The following MAML2 variants were observed in gnomAD, a reference collection of about 807,000 sequenced individuals.
MAML2 encodes mastermind like transcriptional coactivator 2.
In MAML2, 22 loss-of-function variants were observed where a neutral mutation model predicts 96.1. The observed-to-expected ratio is 0.23, with a 90% confidence interval of 0.16 to 0.33. The LOEUF is 0.33. Among genes scored for constraint, MAML2 ranks in the 10% least tolerant of loss-of-function variants. The pLI, the probability that MAML2 is intolerant of heterozygous loss-of-function variation, is 1.00. For missense variants in MAML2, 1,367 were observed against 1,392.4 expected (o/e 0.98, Z 0.29); for synonymous variants, 561 against 521.3 (o/e 1.08, Z -1.04).
intron 1 of MAML2, among the ~76,000 whole-genome samples, chr11:96,104,678 G>C (rs569797868): frequency 6.6e-6 from 1 of 152,256 alleles, no homozygotes; most frequent in East Asian, 1.9e-4. Flanking sequence ...GATATGGAAG[G>C]CTGCCTATAT....
At chr11:96,004,446 A>AC (rs1858145211) in intron 2 of MAML2, among the ~76,000 whole-genome samples, 2 of 118,646 alleles carry the variant, frequency 1.7e-5, no homozygotes, top group African/African-American at 5.7e-5. Flanking sequence ...TCCTTTGGGA[A>AC]TAAAAAAAAC....
intron 1 of MAML2, among the ~76,000 whole-genome samples, chr11:96,190,972 CTCT>C (rs1387115241): frequency 6.6e-6 from 1 of 152,178 alleles, no homozygotes; most frequent in Non-Finnish European, 1.5e-5. Flanking sequence ...TTTCTCTAAT[CTCT>C]TCTTGTCACA....
intron 1 of MAML2, among the ~76,000 whole-genome samples, chr11:96,243,250 G>C (rs1862461152): frequency 6.6e-6 from 1 of 152,140 alleles, no homozygotes; most frequent in South Asian, 2.1e-4. Flanking sequence ...GACAAAAGAA[G>C]ACATTTTAAA....
chr11:96,112,159 A>C (rs536318499), intron 1 of MAML2, among the ~76,000 whole-genome samples: 1 of 152,252 alleles, frequency 6.6e-6, no homozygotes, highest in African/African-American at 2.4e-5. Context: ...GGATGCTTCC[A>C]TCGGATAGGG....
chr11:96,022,547 G>A (rs1047732188), intron 2 of MAML2, among the ~76,000 whole-genome samples: 1 of 152,174 alleles, frequency 6.6e-6, no homozygotes, highest in Admixed American at 6.6e-5. Flanking sequence ...ATGTGACAGT[G>A]GTTGGATTTA....
chr11:96,155,194 A>G, intron 1 of MAML2, among the ~76,000 whole-genome samples: 1 of 152,054 alleles, frequency 6.6e-6, no homozygotes, highest in Non-Finnish European at 1.5e-5. Context: ...ATTCATTTGG[A>G]ATTCAGGTGG....
intron 1 of MAML2, among the ~76,000 whole-genome samples, chr11:96,318,840 TTA>T (rs1180708157): frequency 1.3e-5 from 2 of 152,212 alleles, no homozygotes; most frequent in African/African-American, 2.4e-5. Flanking sequence ...ATAACCTTCC[TTA>T]ATTAACAACA....
intron 1 of MAML2, among the ~76,000 whole-genome samples, chr11:96,197,685 T>C (rs1197875722): frequency 1.3e-5 from 2 of 152,196 alleles, no homozygotes; most frequent in Non-Finnish European, 2.9e-5. Flanking sequence ...TGTGTGAGGA[T>C]ACCAGACCCT....
intron 1 of MAML2, among the ~76,000 whole-genome samples, chr11:96,276,816 C>CAAAAA (rs67291067): frequency 2.5e-5 from 2 of 78,650 alleles, no homozygotes; most frequent in Non-Finnish European, 5.0e-5. Context: ...TTCTCAGACC[C>CAAAAA]AAAAAAAAAA....
At chr11:96,022,903 T>C (rs1858457686) in intron 2 of MAML2, among the ~76,000 whole-genome samples, 1 of 152,182 alleles carries the variant, frequency 6.6e-6, no homozygotes, top group Admixed American at 6.5e-5. Context: ...CCAGTAGACA[T>C]GACGCTTAAC....
At chr11:96,095,548 C>T (rs1451163058) in intron 1 of MAML2, among the ~76,000 whole-genome samples, 1 of 152,148 alleles carries the variant, frequency 6.6e-6, no homozygotes, top group East Asian at 1.9e-4. Context: ...GCTGTATCTA[C>T]AGAACTTGTG....
intron 1 of MAML2, among the ~76,000 whole-genome samples, chr11:96,288,695 T>C (rs1397307297): frequency 2.6e-5 from 4 of 152,246 alleles, no homozygotes; most frequent in Admixed American, 2.0e-4. Flanking sequence ...AATGTGAATT[T>C]AAATTAAGGT....
chr11:96,041,079 G>C (rs573109227), intron 2 of MAML2, among the ~76,000 whole-genome samples: 1 of 152,068 alleles, frequency 6.6e-6, no homozygotes. Context: ...ATGGGCACTT[G>C]GGTATTTTCT....
At chr11:96,252,683 C>T (rs970978316) in intron 1 of MAML2, among the ~76,000 whole-genome samples, 1 of 152,142 alleles carries the variant, frequency 6.6e-6, no homozygotes, top group Admixed American at 6.5e-5. Context: ...CAGACACTAA[C>T]ATCACTGCTA....
intron 1 of MAML2, among the ~76,000 whole-genome samples, chr11:96,107,403 GATA>G (rs1391708357): frequency 6.6e-6 from 1 of 152,112 alleles, no homozygotes; most frequent in East Asian, 1.9e-4. Flanking sequence ...TCTCAAATAA[GATA>G]ATGTCTATAA....
chr11:96,223,704 G>C (rs1862173180), intron 1 of MAML2, among the ~76,000 whole-genome samples: 1 of 151,280 alleles, frequency 6.6e-6, no homozygotes, highest in African/African-American at 2.4e-5. Context: ...TATTTTTTTC[G>C]GATCCTCTCT....
Position 96,092,075 on chromosome 11 carries a change from T to TTGCTGCTGCTGCTGCTGTTGTTGCTGC in MAML2, c.1929_1955dup (p.Gln657_Gln665dup). ...GCTGCTGCTGTTGTTGCTGTTGTTGTTGCTGCTGCTGCTGCTGTTGTTGCT... is the reference window on the plus strand; with the variant it reads ...GCTGCTGCTGTTGTTGCTGTTGTTGTTGCTGCTGCTGCTGCTGTTGTTGCTGCTGCTGCTGCTGCTGCTGTTGTTGCT... On this transcript the variant is annotated inframe_insertion, in exon 2 of 5. Coordinates refer to ENST00000524717, the MANE Select transcript of MAML2 (RefSeq NM_032427.4). This position sits in a 1 kb window ranked among gnomAD's most constrained non-coding sequence, Gnocchi z 4.1. The TTGCTGCTGCTGCTGCTGTTGTTGCTGC allele has an allele frequency of 1.3e-6, 2 of 1,548,004 alleles. No homozygotes were observed. The highest frequency in any genetic ancestry group is 1.7e-6 in the Non-Finnish European group (2 of 1,146,086).
intron 2 of MAML2, among the ~76,000 whole-genome samples, chr11:96,002,771 G>C (rs1209533595): frequency 4.0e-5 from 6 of 150,512 alleles, no homozygotes; most frequent in African/African-American, 7.3e-5. Context: ...TGATGAGGAT[G>C]ATGAGGATGA....
intron 1 of MAML2, among the ~76,000 whole-genome samples, chr11:96,193,323 C>T (rs963566809): frequency 6.6e-6 from 1 of 152,168 alleles, no homozygotes; most frequent in Non-Finnish European, 1.5e-5. Context: ...GAGTTGAGGT[C>T]ATGCCATTGC....
Sources: allele counts gnomAD v4.1 joint callset (sites outside exome capture counted in the v4.1 genomes callset), GRCh38; gene constraint gnomAD v4.1.1; non-coding constraint Gnocchi (gnomAD v3.1); transcripts MANE v1.5; gene names NCBI Gene and HGNC (gene_info 2026-07-23, HGNC 2026-07-21).